Variants in RAMP1 observed in about 807,000 individuals in gnomAD.
The protein encoded by RAMP1 is receptor activity-modifying protein 1.
RAMP1 carries 7 observed loss-of-function variants against 8.2 expected under a neutral mutation model. The ratio of observed to expected loss-of-function variants is 0.85; its 90% CI spans 0.49 to 1.60. The LOEUF is 1.60. Ranked by LOEUF, RAMP1 falls within the 40% of genes most tolerant of loss-of-function variation. The probability of loss-of-function intolerance (pLI) is 0.00; values close to 1 mark genes in which losing one functional copy is unlikely to be tolerated. For synonymous variants in RAMP1, 92 were observed against 84.7 expected (o/e 1.09, Z -0.47); for missense variants, 192 against 202.4 (o/e 0.95, Z 0.31).
intron 1 of RAMP1, among the ~76,000 whole-genome samples, chr2:237,868,218 A>G (rs1410529038): frequency 1.3e-5 from 2 of 151,774 alleles, no homozygotes; most frequent in Non-Finnish European, 2.9e-5. Flanking sequence ...TAATTTTTGT[A>G]TTTTTAGTAG....
intron 2 of RAMP1, among the ~76,000 whole-genome samples, chr2:237,881,924 G>A (rs993919652): frequency 2.6e-5 from 4 of 151,382 alleles, no homozygotes; most frequent in Non-Finnish European, 4.4e-5. Flanking sequence ...ATCTTTGATC[G>A]CCTCTGGATT....
chr2:237,874,661 C>T, intron 1 of RAMP1: 1 of 985,222 alleles, frequency 1.0e-6, no homozygotes, highest in Non-Finnish European at 1.2e-6. Context: ...TAGCCTGAGG[C>T]ACGCTTGCTT....
At chr2:237,866,974 G>T (rs796988835) in intron 1 of RAMP1, among the ~76,000 whole-genome samples, 3 of 152,118 alleles carry the variant, frequency 2.0e-5, no homozygotes, top group African/African-American at 7.2e-5. Flanking sequence ...AGTGATCCAT[G>T]CATCTTGGCT....
intron 2 of RAMP1, among the ~76,000 whole-genome samples, chr2:237,895,446 C>T (rs2062532023): frequency 6.6e-6 from 1 of 152,170 alleles, no homozygotes; most frequent in Admixed American, 6.5e-5. Context: ...GTGAACACCC[C>T]ACGTTGGGAT....
At chr2:237,887,040 A>G (rs1426633452) in intron 2 of RAMP1, among the ~76,000 whole-genome samples, 1 of 140,608 alleles carries the variant, frequency 7.1e-6, no homozygotes, top group African/African-American at 2.6e-5. Flanking sequence ...TTGTGCACAC[A>G]GGGCTTCACT....
At chr2:237,901,175 CCTT>C (rs2062593217) in intron 2 of RAMP1, among the ~76,000 whole-genome samples, 2 of 152,254 alleles carry the variant, frequency 1.3e-5, no homozygotes, top group Non-Finnish European at 2.9e-5. Flanking sequence ...CCCCTGCTCA[CCTT>C]CTGTCTGCGT....
At chr2:237,907,978 G>A (rs1401752748) in intron 2 of RAMP1, among the ~76,000 whole-genome samples, 2 of 152,218 alleles carry the variant, frequency 1.3e-5, no homozygotes. Flanking sequence ...TGTGGGATTT[G>A]AGTCAATCTT....
intron 2 of RAMP1, among the ~76,000 whole-genome samples, chr2:237,887,441 T>G (rs2062445518): frequency 6.6e-6 from 1 of 152,206 alleles, no homozygotes; most frequent in South Asian, 2.1e-4. Context: ...GGATGCGTCT[T>G]GGGACAGGCC....
chr2:237,863,042 C>T (rs940897040), intron 1 of RAMP1, among the ~76,000 whole-genome samples: 29 of 152,134 alleles, frequency 1.9e-4, no homozygotes, highest in African/African-American at 7.0e-4. Context: ...GGTGTCTGTC[C>T]CTTGCAGGGA....
rs887366341 is a variant in RAMP1 at position 237,907,944 on chromosome 2, A to T, written c.192-3584A>T. 1.6e-4 allele frequency among the ~76,000 whole-genome samples: 25 copies of T among 152,356 alleles called. No individual in the cohort carries two copies. The South Asian group carries it at 1.7e-3, about 10-fold the overall frequency. On this transcript the variant is annotated intron_variant, in intron 2 of 2. Transcript: ENST00000254661. ...ATAGTATTTACATATGGAAATGGGT[A>T]ATCCTCTTCTGTCAGACCGTTAGTG...
At chr2:237,899,844 G>A (rs1265813088) in intron 2 of RAMP1, among the ~76,000 whole-genome samples, 2 of 152,146 alleles carry the variant, frequency 1.3e-5, no homozygotes, top group African/African-American at 2.4e-5. Flanking sequence ...TTGGAAGGCC[G>A]AGGTGGGAGG....
intron 1 of RAMP1, among the ~76,000 whole-genome samples, chr2:237,876,137 T>A (rs2062300813): frequency 6.6e-6 from 1 of 152,046 alleles, no homozygotes; most frequent in Non-Finnish European, 1.5e-5. Context: ...TTCCTCTGCG[T>A]TTTACTCAGC....
intron 2 of RAMP1, among the ~76,000 whole-genome samples, chr2:237,899,350 C>T (rs564392321): frequency 2.6e-5 from 4 of 152,210 alleles, no homozygotes; most frequent in Non-Finnish European, 5.9e-5. Context: ...AGATTACAGG[C>T]GTGAGCCACT....
At chr2:237,905,808 C>T (rs931073126) in intron 2 of RAMP1, among the ~76,000 whole-genome samples, 28 of 151,978 alleles carry the variant, frequency 1.8e-4, no homozygotes, top group African/African-American at 5.6e-4. Context: ...GTCAGGAGTT[C>T]GAGACCAGCC....
At chr2:237,869,393 T>C (rs1325945028) in intron 1 of RAMP1, among the ~76,000 whole-genome samples, 3 of 152,180 alleles carry the variant, frequency 2.0e-5, no homozygotes, top group African/African-American at 7.2e-5. Context: ...CCCTAGAAGT[T>C]TTTTCATTTT....
chr2:237,871,822 G>A (rs1169791620), intron 1 of RAMP1, among the ~76,000 whole-genome samples: 2 of 152,162 alleles, frequency 1.3e-5, no homozygotes, highest in Non-Finnish European at 2.9e-5. Context: ...GAGAGCGCCA[G>A]TGCACTCCAA....
At chr2:237,880,844 C>A (rs2062362102) in intron 2 of RAMP1, among the ~76,000 whole-genome samples, 1 of 152,234 alleles carries the variant, frequency 6.6e-6, no homozygotes, top group Non-Finnish European at 1.5e-5. Flanking sequence ...AATACCCCCA[C>A]AGTGACCCCT....
intron 1 of RAMP1, chr2:237,874,581 C>T (rs1311706079): frequency 9.7e-6 from 8 of 823,618 alleles, no homozygotes; most frequent in Middle Eastern, 1.2e-3. Context: ...AGAAGCGGCT[C>T]TTCCAAAGCA....
chr2:237,902,120 C>T (rs529841452), intron 2 of RAMP1, among the ~76,000 whole-genome samples: 2 of 152,004 alleles, frequency 1.3e-5, no homozygotes, highest in African/African-American at 2.4e-5. Context: ...AGCCCAAGGC[C>T]GAGAGAGAAG....
Sources: gnomAD v4.1 joint callset for allele counts (sites outside exome capture counted in the v4.1 genomes callset) on GRCh38, gnomAD v4.1.1 for gene constraint, MANE v1.5 for transcripts, NCBI Gene and HGNC (gene_info 2026-07-23, HGNC 2026-07-21) for gene names.